Variants in BCL6 observed in about 807,000 individuals in gnomAD.
The protein encoded by BCL6 is B-cell lymphoma 6 protein.
Under a neutral mutation model 59.5 loss-of-function variants are expected in BCL6, and 7 were observed. That is an observed-to-expected ratio of 0.12 (90% CI 0.07 to 0.22). BCL6 has a LOEUF of 0.22. Ranked by LOEUF, BCL6 falls within the 10% of genes least tolerant of loss-of-function variation. The pLI, the probability that BCL6 is intolerant of heterozygous loss-of-function variation, is 1.00. For synonymous variants in BCL6, 339 were observed against 349.7 expected (o/e 0.97, Z 0.34); for missense variants, 685 against 939.4 (o/e 0.73, Z 3.54).
chr3:187,745,134 A>C (rs1576886355), intron 1 of BCL6, among the ~76,000 whole-genome samples: 3 of 152,206 alleles, frequency 2.0e-5, no homozygotes, highest in Admixed American at 6.5e-5. Flanking sequence ...AATAATAATA[A>C]ATACATAACA....
Position 187,733,516 on chromosome 3 carries a change from C to A in BCL6, c.161+17G>T, listed in dbSNP as rs763628015. ...CCCCACTTTGACTTACCCACCCTTT[C>A]CTTTCAGATCCCTCACCTGCAGGCC... is the stretch of plus-strand genomic sequence containing the variant. On this transcript the variant is annotated intron_variant, in intron 3 of 9. Transcript: ENST00000406870. 11 of 1,610,348 alleles carry A rather than the reference C, an allele frequency of 6.8e-6. No individual in the cohort carries two copies. In the East Asian group the frequency reaches 1.3e-4, roughly 20 times the overall value.
chr3:187,744,718 T>C (rs548684177), intron 1 of BCL6, among the ~76,000 whole-genome samples: 4 of 151,984 alleles, frequency 2.6e-5, no homozygotes, highest in Admixed American at 6.6e-5. Flanking sequence ...CCTCCCTTTT[T>C]GCCTCCCGGA....
chr3:187,744,039 C>T (rs1711743615), intron 1 of BCL6, among the ~76,000 whole-genome samples: 1 of 152,192 alleles, frequency 6.6e-6, no homozygotes, highest in African/African-American at 2.4e-5. Flanking sequence ...TTTCTCCTCG[C>T]CCAAGGTAAG....
intron 2 of BCL6, 60 bp from the exon 3 acceptor site, chr3:187,733,763 G>A: frequency 6.3e-7 from 1 of 1,583,096 alleles, no homozygotes; most frequent in South Asian, 1.1e-5. Context: ...GCTTGCCACA[G>A]GTATCAGAGC....
At chr3:187,745,066 C>A (rs1460734436) in intron 1 of BCL6, among the ~76,000 whole-genome samples, 2 of 152,040 alleles carry the variant, frequency 1.3e-5, no homozygotes, top group Admixed American at 1.3e-4. Flanking sequence ...ACCAAAACAA[C>A]ACAAGGGAGG....
rs1311002814 is a variant in BCL6, at chr3:187,735,274, A to G, written c.-49-367T>C. ...AAAAATGGTTCTGTCAACATTAACAATAACGATTCGTCCGTGGCCTAAAAC... is the reference window on the plus strand; with the variant it reads ...AAAAATGGTTCTGTCAACATTAACAGTAACGATTCGTCCGTGGCCTAAAAC... On this transcript the variant is annotated intron_variant, in intron 1 of 9. Transcript: ENST00000406870. 2.0e-5 allele frequency among the ~76,000 whole-genome samples: 3 copies of G among 152,260 alleles called. No homozygotes were observed. In the South Asian group the frequency reaches 6.2e-4, roughly 31 times the overall value.
At position 187,729,810 on chromosome 3, in the gene BCL6, T is replaced by C; in HGVS notation, c.595A>G (p.Ser199Gly). Residue 199 changes from serine to glycine, a missense_variant, in exon 5 of 10, where the codon AGC becomes GGC. Physicochemically the swap from Ser to Gly is moderately conservative, Grantham distance 56. Coordinates refer to ENST00000406870, the MANE Select transcript of BCL6 (RefSeq NM_001706.5). The surrounding 1 kb of genome is among the most constrained non-coding windows in gnomAD (Gnocchi z 5.6). ...STPPASYSMY[S>G]HLPVSSLLFS... The stretch of plus-strand genomic sequence containing the variant: ...AGGAGGCTGCTGACAGGGAGGTGGC[T>C]GTACATGGAATAAGAGGCTGGCGGT... 1 of 1,614,062 alleles carries C rather than the reference T, an allele frequency of 6.2e-7. No homozygotes were observed. The highest frequency in any genetic ancestry group is 1.1e-5 in the South Asian group (1 of 91,058).
At chr3:187,743,394 C>G (rs1451107373) in intron 1 of BCL6, among the ~76,000 whole-genome samples, 1 of 151,936 alleles carries the variant, frequency 6.6e-6, no homozygotes, top group Non-Finnish European at 1.5e-5. Context: ...GGTCAGGGGC[C>G]CTGTGACAGC....
chr3:187,725,162 G>C lies in BCL6; in HGVS notation c.1840-84C>G. ...CCCCTCATTAGCACACAGCCAGTGAGTGGGCCTTTCTCCAGGCCACTCTGC... is the reference window on the plus strand; with the variant it reads ...CCCCTCATTAGCACACAGCCAGTGACTGGGCCTTTCTCCAGGCCACTCTGC... On this transcript the variant is annotated intron_variant, in intron 8 of 9. Coordinates refer to ENST00000406870, the MANE Select transcript of BCL6 (RefSeq NM_001706.5). This position sits in a 1 kb window ranked among gnomAD's most constrained non-coding sequence, Gnocchi z 4.7. 1.3e-6 allele frequency: 2 copies of C among 1,577,406 alleles called. No individual in the cohort carries two copies. The highest frequency in any genetic ancestry group is 1.7e-6 in the Non-Finnish European group (2 of 1,154,356).
chr3:187,729,908 T>C lies in BCL6; in HGVS notation c.497A>G (p.Asn166Ser). The part of the protein sequence containing the change: ...AYRGREVVEN[N>S]LPLRSAPGCE... ...CCCAGGGGCGCTCCTCAGTGGCAGG[T>C]TGTTCTCCACCACCTCACGACCCCG... Residue 166 changes from asparagine to serine, a missense_variant, in exon 5 of 10, where the codon AAC (asparagine) becomes AGC (serine). Physicochemically the swap from Asn to Ser is conservative, Grantham distance 46 (BLOSUM62 1). Around this residue, in one of 7 missense-constraint regions of BCL6, gnomAD observed 268 missense variants for 263.8 expected, o/e 1.02. Coordinates refer to ENST00000406870, the MANE Select transcript of BCL6 (RefSeq NM_001706.5). This position sits in a 1 kb window ranked among gnomAD's most constrained non-coding sequence, Gnocchi z 5.6. 1.2e-6 allele frequency: 2 copies of C among 1,613,650 alleles called. No individual in the cohort carries two copies. The highest frequency in any genetic ancestry group is 1.7e-6 in the Non-Finnish European group (2 of 1,179,890).
At chr3:187,736,974 C>T (rs1482026211) in intron 1 of BCL6, 3 of 152,236 alleles carry the variant, frequency 2.0e-5, no homozygotes, top group African/African-American at 7.2e-5. Context: ...AATCTCAAAA[C>T]CAATTTCCAG....
At chr3:187,740,391 C>A (rs1711544187) in intron 1 of BCL6, among the ~76,000 whole-genome samples, 1 of 152,148 alleles carries the variant, frequency 6.6e-6, no homozygotes, top group African/African-American at 2.4e-5. Flanking sequence ...CCACACCCTT[C>A]AGCACCATCT....
At chr3:187,741,165 G>C (rs1711575714) in intron 1 of BCL6, among the ~76,000 whole-genome samples, 1 of 152,196 alleles carries the variant, frequency 6.6e-6, no homozygotes, top group African/African-American at 2.4e-5. Flanking sequence ...TAAAAGCAAA[G>C]CTAGAAAACA....
intron 1 of BCL6, among the ~76,000 whole-genome samples, chr3:187,735,131 G>A (rs910842709): frequency 2.0e-5 from 3 of 152,024 alleles, no homozygotes; most frequent in Admixed American, 6.6e-5. Context: ...CAGAGTACTG[G>A]GAGTACAATT....
Position 187,729,921 on chromosome 3 carries a change from C to G in BCL6, c.484G>C (p.Val162Leu), listed in dbSNP as rs1463088347. The change falls in exon 5 of 10, where the codon GTG becomes CTG. Residue 162 changes from valine to leucine, a missense_variant. Transcript: ENST00000406870. This position sits in a 1 kb window ranked among gnomAD's most constrained non-coding sequence, Gnocchi z 5.6. ...CTCAGTGGCAGGTTGTTCTCCACCA[C>G]CTCACGACCCCGATAGGCCATGATG... ...QDIMAYRGREVVENNLPLRSA... is the reference protein window; with the variant it reads ...QDIMAYRGRELVENNLPLRSA... 1 of 1,614,104 alleles carries G rather than the reference C, an allele frequency of 6.2e-7. No individual in the cohort carries two copies. Among genetic ancestry groups the G allele is most frequent in the Admixed American group, 1.7e-5 (1 of 60,010 alleles).
chr3:187,744,670 C>A (rs1341797964), intron 1 of BCL6, among the ~76,000 whole-genome samples: 2 of 152,064 alleles, frequency 1.3e-5, no homozygotes, highest in Non-Finnish European at 2.9e-5. Flanking sequence ...AAGACCGAGG[C>A]CGATGGAAGA....
At chr3:187,724,705 C>T in intron 9 of BCL6, 1 of 553,960 alleles carries the variant, frequency 1.8e-6, no homozygotes, top group South Asian at 2.1e-5. Context: ...AGTCCCATAC[C>T]CTCATTTTAA....
Position 187,722,454 on chromosome 3 carries a change from T to C in BCL6, c.*4A>G, listed in dbSNP as rs771401698. 1 of 1,611,630 alleles carries C rather than the reference T, an allele frequency of 6.2e-7. No individual in the cohort carries two copies. Among genetic ancestry groups the C allele is most frequent in the East Asian group, 2.2e-5 (1 of 44,792 alleles). On this transcript the variant is annotated 3_prime_UTR_variant, in exon 10 of 10. Transcript: ENST00000406870. ...TGGAGACGAAAGCATCAACACTCCA[T>C]GCTTCAGCAGGCTTTGGGGAGCTCC...
At chr3:187,744,865 A>G (rs555704439) in intron 1 of BCL6, among the ~76,000 whole-genome samples, 4 of 152,248 alleles carry the variant, frequency 2.6e-5, no homozygotes, top group South Asian at 4.1e-4. Flanking sequence ...AGCCGCACGA[A>G]TCCAGAGAGA....
Sources: gnomAD v4.1 joint callset for allele counts (sites outside exome capture counted in the v4.1 genomes callset) on GRCh38, gnomAD v4.1.1 for gene constraint, gnomAD v4.1.1 regional missense constraint, Gnocchi (gnomAD v3.1) non-coding constraint, MANE v1.5 for transcripts, NCBI Gene and HGNC (gene_info 2026-07-23, HGNC 2026-07-21) for gene names.